The following CHST15 variants were observed in gnomAD, a reference collection of about 807,000 sequenced individuals.
CHST15 encodes the protein carbohydrate sulfotransferase 15, also known as B cell RAG associated protein (GALNAC4S-6ST).
Under a neutral mutation model 53.6 loss-of-function variants are expected in CHST15, and 30 were observed. The ratio of observed to expected loss-of-function variants is 0.56; its 90% CI spans 0.42 to 0.76. The LOEUF (loss-of-function observed/expected upper bound fraction) is 0.76, where lower values mean the gene tolerates loss of function less well. Among genes scored for constraint, CHST15 ranks in the 30% least tolerant of loss-of-function variants. CHST15 has a pLI of 0.00. For synonymous variants in CHST15, 296 were observed against 289.8 expected (o/e 1.02, Z -0.22); for missense variants, 627 against 740.5 (o/e 0.85, Z 1.78).
At chr10:124,081,741 C>T (rs1039570375) in intron 1 of CHST15, among the ~76,000 whole-genome samples, 1 of 152,180 alleles carries the variant, frequency 6.6e-6, no homozygotes, top group Non-Finnish European at 1.5e-5. Context: ...CACAGCCGCC[C>T]TGTGGGACCA....
At position 124,038,476 on chromosome 10, in the gene CHST15, C is replaced by G. The variant is rs771616361; in HGVS notation, c.1190+39G>C. 8 of 1,601,394 alleles carry G rather than the reference C, an allele frequency of 5.0e-6. No individual in the cohort carries two copies. In the African/African-American group the frequency reaches 9.4e-5, roughly 19 times the overall value. On this transcript the variant is annotated intron_variant, in intron 5 of 7. Transcript: ENST00000435907. ...GGGGAACACTGTTCTTCAAAAGTTC[C>G]TCTTCTCACCCCAAATACAACACAC...
chr10:124,063,717 G>C (rs906110672), intron 1 of CHST15, among the ~76,000 whole-genome samples: 2 of 152,026 alleles, frequency 1.3e-5, no homozygotes, highest in African/African-American at 4.8e-5. Context: ...TTATAACAAA[G>C]GCATGTTCCC....
intron 5 of CHST15, among the ~76,000 whole-genome samples, chr10:124,031,810 C>A (rs1043355530): frequency 4.6e-5 from 7 of 152,132 alleles, no homozygotes. Flanking sequence ...CCCATTTTAC[C>A]GATGAGAAAA....
chr10:124,045,121 A>AC (rs1947924521), intron 2 of CHST15, among the ~76,000 whole-genome samples: 1 of 87,462 alleles, frequency 1.1e-5, no homozygotes. Flanking sequence ...ACAAAAAAAA[A>AC]AAAAAAAAAA....
intron 1 of CHST15, among the ~76,000 whole-genome samples, chr10:124,092,931 C>T (rs1949647787): frequency 6.6e-6 from 1 of 152,246 alleles, no homozygotes; most frequent in Non-Finnish European, 1.5e-5. Flanking sequence ...CCCGGACAGC[C>T]CGCCGGTGCG....
At chr10:124,065,187 C>T (rs1226839017) in intron 1 of CHST15, among the ~76,000 whole-genome samples, 1 of 152,004 alleles carries the variant, frequency 6.6e-6, no homozygotes, top group African/African-American at 2.4e-5. Flanking sequence ...AGTTCAAGAC[C>T]AGCCTGGGCA....
At chr10:124,038,850 C>G (rs568908258) in intron 4 of CHST15, among the ~76,000 whole-genome samples, 179 bp from the exon 5 acceptor site, 6 of 152,038 alleles carry the variant, frequency 3.9e-5, no homozygotes, top group South Asian at 2.1e-4. Context: ...ATGCCCCCCC[C>G]TGCCACAGCC....
In CHST15 at chr10:124,019,477, G is replaced by A. The variant is rs1318676908; in HGVS notation, c.1347+1779C>T. Among the ~76,000 whole-genome samples the A allele has an allele frequency of 2.6e-5, 4 of 152,084 alleles. No individual in the cohort carries two copies. Among genetic ancestry groups the A allele is most frequent in the African/African-American group, 4.8e-5 (2 of 41,420 alleles). ...TCCGAGACCCTGTGTCCCCTGTGAC[G>A]GTGGCCACAGAGCCATTGAGTCATT... is the stretch of plus-strand genomic sequence containing the variant. On this transcript the variant is annotated intron_variant, in intron 6 of 7. Coordinates refer to ENST00000435907, the MANE Select transcript of CHST15 (RefSeq NM_001270764.2). The surrounding 1 kb of genome is among the most constrained non-coding windows in gnomAD (Gnocchi z 4.6).
chr10:124,052,839 G>A (rs573921990), intron 1 of CHST15, among the ~76,000 whole-genome samples: 1 of 152,262 alleles, frequency 6.6e-6, no homozygotes, highest in Non-Finnish European at 1.5e-5. Flanking sequence ...TTCGACACCA[G>A]CCTGACCAAC....
chr10:124,032,028 TCA>T (rs1432605300), intron 5 of CHST15, among the ~76,000 whole-genome samples: 3 of 152,226 alleles, frequency 2.0e-5, no homozygotes, highest in Non-Finnish European at 2.9e-5. Flanking sequence ...GCCCAAATGT[TCA>T]GCCCTGCTAT....
chr10:124,018,849 G>A (rs1270614046), intron 6 of CHST15, among the ~76,000 whole-genome samples: 2 of 152,188 alleles, frequency 1.3e-5, no homozygotes, highest in Non-Finnish European at 2.9e-5. Flanking sequence ...CTGAATCAGG[G>A]CAATAGCAGA....
intron 5 of CHST15, among the ~76,000 whole-genome samples, chr10:124,028,809 G>C (rs1481184292): frequency 1.3e-5 from 2 of 152,252 alleles, no homozygotes; most frequent in Non-Finnish European, 2.9e-5. Context: ...TCCCAAGCTG[G>C]TGCTGAAGTT....
chr10:124,026,670 C>T (rs915043803), intron 5 of CHST15, among the ~76,000 whole-genome samples: 4 of 152,134 alleles, frequency 2.6e-5, no homozygotes, highest in Admixed American at 6.5e-5. Context: ...AACAGGGGCA[C>T]GGCATGAGGA....
chr10:124,056,617 A>C (rs1019464297), intron 1 of CHST15, among the ~76,000 whole-genome samples: 3 of 152,212 alleles, frequency 2.0e-5, no homozygotes, highest in Non-Finnish European at 2.9e-5. Flanking sequence ...GTCCCTTGTC[A>C]GTTACCTTTG....
At chr10:124,012,208 C>T in intron 7 of CHST15, 125 bp downstream of exon 7, 1 of 1,088,866 alleles carries the variant, frequency 9.2e-7, no homozygotes, top group South Asian at 1.6e-5. Context: ...GAAGGACATC[C>T]CCAGGCCTCC....
intron 1 of CHST15, among the ~76,000 whole-genome samples, chr10:124,091,748 A>C (rs1416372382): frequency 6.6e-6 from 1 of 152,252 alleles, no homozygotes; most frequent in Non-Finnish European, 1.5e-5. Context: ...ACGCAGGCAG[A>C]CGAAGAAGGG....
chr10:124,039,134 G>A (rs1247569658), intron 4 of CHST15, among the ~76,000 whole-genome samples: 3 of 152,128 alleles, frequency 2.0e-5, no homozygotes, highest in Non-Finnish European at 4.4e-5. Flanking sequence ...TTTTGAAAAT[G>A]GTTTTCCTGT....
Position 124,034,997 on chromosome 10 carries a change from C to T in CHST15, c.1190+3518G>A, listed in dbSNP as rs1265369044. Among the ~76,000 whole-genome samples the T allele has an allele frequency of 4.0e-4, 57 of 140,872 alleles. 1 individual carries two copies. Among genetic ancestry groups the T allele is most frequent in the African/African-American group, 1.4e-3 (48 of 35,122 alleles). 92.4% of individuals were successfully genotyped at this position (140,872 alleles called of 152,430 possible). ...CCTAATAGGGACCCTGGCTCTACCCCCTAATAGGGACCCTGGCTCTACCCC... is the reference window on the plus strand; with the variant it reads ...CCTAATAGGGACCCTGGCTCTACCCTCTAATAGGGACCCTGGCTCTACCCC... On this transcript the variant is annotated intron_variant, in intron 5 of 7. Transcript: ENST00000435907.
At position 124,009,005 on chromosome 10, in the gene CHST15, C is replaced by T; in HGVS notation, c.*1144G>A. ...CACGCCACGTTCAGCCCAAGTTCAG[C>T]TTGTGCATTGTGTTTTGGAATTGGG... On this transcript the variant is annotated 3_prime_UTR_variant, in exon 8 of 8. Coordinates refer to ENST00000435907, the MANE Select transcript of CHST15 (RefSeq NM_001270764.2). 7.8e-7 allele frequency: 1 copy of T among 1,289,182 alleles called. No individual in the cohort carries two copies. The highest frequency in any genetic ancestry group is 1.2e-5 in the South Asian group (1 of 81,024). 79.9% of individuals were successfully genotyped at this position (1,289,182 alleles called of 1,614,324 possible).
Sources: allele counts gnomAD v4.1 joint callset (sites outside exome capture counted in the v4.1 genomes callset), GRCh38; gene constraint gnomAD v4.1.1; non-coding constraint Gnocchi (gnomAD v3.1); transcripts MANE v1.5; gene names NCBI Gene and HGNC (gene_info 2026-07-23, HGNC 2026-07-21).